Variants in ZSWIM6 observed in about 807,000 individuals in gnomAD.
ZSWIM6 encodes zinc finger SWIM domain-containing protein 6.
In ZSWIM6, 9 loss-of-function variants were observed where a neutral mutation model predicts 113.2. The ratio of observed to expected loss-of-function variants is 0.08; its 90% CI spans 0.05 to 0.14. The LOEUF (loss-of-function observed/expected upper bound fraction) is 0.14, where lower values mean the gene tolerates loss of function less well. Among genes scored for constraint, ZSWIM6 ranks in the 10% least tolerant of loss-of-function variants. The pLI, the probability that ZSWIM6 is intolerant of heterozygous loss-of-function variation, is 1.00. For missense variants in ZSWIM6, 1,162 were observed against 1,552.2 expected, an observed-to-expected ratio of 0.75 and a Z score of 4.22; for synonymous variants, 611 against 606.5, an observed-to-expected ratio of 1.01 and a Z score of -0.11.
chr5:61,500,270 G>T (rs1748431571), intron 4 of ZSWIM6, among the ~76,000 whole-genome samples: 1 of 151,898 alleles, frequency 6.6e-6, no homozygotes, highest in African/African-American at 2.4e-5. Flanking sequence ...GGGACTACAG[G>T]CGCTGGTTGC....
chr5:61,517,813 CTTTTAAG>C (rs1309733571), intron 4 of ZSWIM6, among the ~76,000 whole-genome samples: 2 of 149,334 alleles, frequency 1.3e-5, no homozygotes, highest in African/African-American at 4.9e-5. Flanking sequence ...TATTATTATA[CTTTTAAG>C]TTTTAGGGTA....
At chr5:61,449,305 A>G (rs1747035055) in intron 1 of ZSWIM6, among the ~76,000 whole-genome samples, 1 of 152,180 alleles carries the variant, frequency 6.6e-6, no homozygotes. Flanking sequence ...GTTTAATATT[A>G]CTGAAAGGTA....
chr5:61,444,272 T>A lies in ZSWIM6; in HGVS notation c.677-28409T>A, dbSNP rs189124846. On this transcript the variant is annotated intron_variant, in intron 1 of 13. Transcript: ENST00000252744. The stretch of plus-strand genomic sequence containing the variant: ...TTCATCCATGTCCCTACAAAGGACA[T>A]GAACTCATCATAATTTATGGCTGCA... Among the ~76,000 whole-genome samples, 112 of 152,190 alleles carry A rather than the reference T, an allele frequency of 7.4e-4. No homozygotes were observed. The South Asian group carries it at 0.012, about 16-fold the overall frequency.
intron 1 of ZSWIM6, among the ~76,000 whole-genome samples, chr5:61,443,286 C>T (rs1293648175): frequency 6.6e-6 from 1 of 152,132 alleles, no homozygotes; most frequent in African/African-American, 2.4e-5. Flanking sequence ...CTGTGGCATA[C>T]AACAATTTAG....
intron 1 of ZSWIM6, among the ~76,000 whole-genome samples, chr5:61,353,747 A>T (rs550854612): frequency 1.3e-5 from 2 of 151,956 alleles, no homozygotes; most frequent in Non-Finnish European, 2.9e-5. Context: ...TTCAGTCACA[A>T]CATTTAGTGA....
At chr5:61,453,028 G>C (rs1443240882) in intron 1 of ZSWIM6, among the ~76,000 whole-genome samples, 1 of 152,192 alleles carries the variant, frequency 6.6e-6, no homozygotes, top group African/African-American at 2.4e-5. Context: ...CCACAGAAGT[G>C]ATGGAGTGTA....
chr5:61,509,941 A>G (rs1004221263), intron 4 of ZSWIM6, among the ~76,000 whole-genome samples: 3 of 152,082 alleles, frequency 2.0e-5, no homozygotes, highest in Admixed American at 6.6e-5. Flanking sequence ...AATTTCTTCA[A>G]CATCCAAGTC....
intron 1 of ZSWIM6, chr5:61,390,852 T>C: frequency 1.2e-6 from 1 of 846,790 alleles, no homozygotes. Context: ...GGTGAGCACT[T>C]GCTTCTTGGT....
chr5:61,365,814 T>A (rs1163955650), intron 1 of ZSWIM6, among the ~76,000 whole-genome samples: 1 of 152,222 alleles, frequency 6.6e-6, no homozygotes, highest in Non-Finnish European at 1.5e-5. Flanking sequence ...CAGACCACCA[T>A]ATTTGGCAGT....
At position 61,332,581 on chromosome 5, in the gene ZSWIM6, G is replaced by A. The variant is rs2112012581; in HGVS notation, c.309G>A (p.Glu103=). 7.4e-7 allele frequency: 1 copy of A among 1,358,486 alleles called. No individual in the cohort carries two copies. The highest frequency in any genetic ancestry group is 1.3e-5 in the South Asian group (1 of 78,122). The allele number at this position is 1,358,486 out of a possible 1,614,324, so 84.2% of individuals were successfully genotyped here. Residue 103 remains glutamate (E), a synonymous_variant, in exon 1 of 14, where the codon GAG becomes GAA. Transcript: ENST00000252744. ...RVEERFERIP[E]PVQRRIVYWS... is the part of the protein sequence containing the mutation. Reference sequence around the variant, plus strand: ...AGGAGCGCTTTGAGCGCATCCCGGAGCCGGTGCAGCGCCGCATAGTCTATT... The same window carrying A: ...AGGAGCGCTTTGAGCGCATCCCGGAACCGGTGCAGCGCCGCATAGTCTATT...
intron 4 of ZSWIM6, among the ~76,000 whole-genome samples, chr5:61,501,764 T>G (rs968714724): frequency 7.2e-5 from 11 of 152,220 alleles, no homozygotes; most frequent in Admixed American, 6.5e-4. Context: ...TCGATTCCAG[T>G]TACTTTCTTT....
rs1749871596 is a variant in ZSWIM6 at position 61,545,748 on chromosome 5, A to G, written c.*1431A>G. 5 of 152,178 alleles carry G rather than the reference A, an allele frequency of 3.3e-5. No individual in the cohort carries two copies. The South Asian group carries it at 1.0e-3, about 32-fold the overall frequency. 9.4% of individuals were successfully genotyped at this position (152,178 alleles called of 1,614,324 possible). A position where few individuals can be genotyped will look rare whatever the true frequency, so the allele number is the denominator to read the frequency against. ...TTGTCTTAATGCTTTAAAATAACCA[A>G]ACTGGAGATCTAACTACCAAACTGT... On this transcript the variant is annotated 3_prime_UTR_variant, in exon 14 of 14. Transcript: ENST00000252744.
intron 1 of ZSWIM6, among the ~76,000 whole-genome samples, chr5:61,416,431 A>T (rs144462838): frequency 8.1e-4 from 123 of 152,264 alleles, no homozygotes; most frequent in African/African-American, 2.8e-3. Context: ...GCTGCTTTTG[A>T]TCTTCCTCCT....
At chr5:61,536,363 A>G (rs1448156802) in intron 10 of ZSWIM6, among the ~76,000 whole-genome samples, 3 of 152,254 alleles carry the variant, frequency 2.0e-5, no homozygotes, top group African/African-American at 7.2e-5. Flanking sequence ...AATCTTACAA[A>G]TAACCTTTAA....
intron 4 of ZSWIM6, among the ~76,000 whole-genome samples, chr5:61,500,056 G>A (rs529173041): frequency 6.6e-6 from 1 of 151,576 alleles, no homozygotes; most frequent in African/African-American, 2.4e-5. Context: ...CCAGGTGTCA[G>A]TGACTTCAAA....
intron 1 of ZSWIM6, among the ~76,000 whole-genome samples, chr5:61,429,021 C>G (rs1746524054): frequency 6.6e-6 from 1 of 152,292 alleles, no homozygotes; most frequent in South Asian, 2.1e-4. Flanking sequence ...TAGAGAAAAA[C>G]TTACATTTCT....
chr5:61,526,705 CTTATTTTG>C (rs1749294457), intron 7 of ZSWIM6, among the ~76,000 whole-genome samples: 1 of 151,674 alleles, frequency 6.6e-6, no homozygotes, highest in Non-Finnish European at 1.5e-5. Flanking sequence ...AGCTAAATGC[CTTATTTTG>C]TGGAAGTGCA....
rs996844591 is a variant in ZSWIM6, at chr5:61,356,086, CTGTG to C, written c.676+23148_676+23151del. 2.0e-5 allele frequency among the ~76,000 whole-genome samples: 3 copies of C among 152,026 alleles called. No individual in the cohort carries two copies. In the South Asian group the frequency reaches 6.2e-4, roughly 32 times the overall value. ...ATTCTTAAACCTTAGTTTCAAAACACTGTGTGTGTGTGTCTGTGTGTGTGTTTCG... is the reference window on the plus strand; with the variant it reads ...ATTCTTAAACCTTAGTTTCAAAACACTGTGTGTGTCTGTGTGTGTGTTTCG... On this transcript the variant is annotated intron_variant, in intron 1 of 13. Transcript: ENST00000252744.
intron 1 of ZSWIM6, among the ~76,000 whole-genome samples, chr5:61,335,888 A>G (rs1387386382): frequency 6.6e-6 from 1 of 152,256 alleles, no homozygotes; most frequent in African/African-American, 2.4e-5. Flanking sequence ...AGTTGTAAGC[A>G]ATATTTAATT....
Sources: gnomAD v4.1 joint callset for allele counts (sites outside exome capture counted in the v4.1 genomes callset) on GRCh38, gnomAD v4.1.1 for gene constraint, MANE v1.5 for transcripts, NCBI Gene and HGNC (gene_info 2026-07-23, HGNC 2026-07-21) for gene names.